The following GFRA2 variants were observed in gnomAD, a reference collection of about 807,000 sequenced individuals.
The protein encoded by GFRA2 is GDNF family receptor alpha-2.
A neutral mutation model predicts 48.3 loss-of-function variants in GFRA2; 17 were observed. That is an observed-to-expected ratio of 0.35 (90% CI 0.24 to 0.53). GFRA2 has a LOEUF of 0.53. GFRA2 is among the 20% of genes least tolerant of loss of function. The probability of loss-of-function intolerance (pLI) is 0.93; values close to 1 mark genes in which losing one functional copy is unlikely to be tolerated. For missense variants in GFRA2, 660 were observed against 637.3 expected (o/e 1.04, Z -0.38); for synonymous variants, 305 against 257.2 (o/e 1.19, Z -1.78).
intron 4 of GFRA2, among the ~76,000 whole-genome samples, chr8:21,748,007 C>T (rs79300364): frequency 0.054 from 8,181 of 152,130 alleles, 737 homozygotes; most frequent in African/African-American, 0.19. Context: ...CTCCACCGTT[C>T]GCTCCAAGCC....
At chr8:21,806,188 G>A (rs900814529) in intron 1 of GFRA2, among the ~76,000 whole-genome samples, 14 of 152,072 alleles carry the variant, frequency 9.2e-5, no homozygotes, top group East Asian at 1.9e-4. Context: ...TCAGAACTAC[G>A]GAGGGTCTCA....
At chr8:21,758,214 C>T (rs1028693463) in intron 3 of GFRA2, among the ~76,000 whole-genome samples, 3 of 152,078 alleles carry the variant, frequency 2.0e-5, no homozygotes, top group Non-Finnish European at 4.4e-5. Flanking sequence ...CCCACACACA[C>T]ACACACACAC....
At chr8:21,787,226 G>A (rs1251895868) in intron 1 of GFRA2, among the ~76,000 whole-genome samples, 1 of 149,246 alleles carries the variant, frequency 6.7e-6, no homozygotes, top group Non-Finnish European at 1.5e-5. Flanking sequence ...GGGGCTCAGT[G>A]GCGCCAGGCA....
At chr8:21,695,218 C>A (rs1455585283) in intron 7 of GFRA2, among the ~76,000 whole-genome samples, 1 of 152,168 alleles carries the variant, frequency 6.6e-6, no homozygotes, top group East Asian at 1.9e-4. Context: ...GGTGTGGCCA[C>A]CTGGATGCAG....
At position 21,704,982 on chromosome 8, in the gene GFRA2, T is replaced by C; in HGVS notation, c.1045+3A>G. 6.2e-7 allele frequency: 1 copy of C among 1,607,864 alleles called. No individual in the cohort carries two copies. Among genetic ancestry groups the C allele is most frequent in the Non-Finnish European group, 8.5e-7 (1 of 1,177,546 alleles). ...GGGGTTGGGGAGAACATCCAGAACT[T>C]ACGGAGGCATGGGTTCTCGGTGAAG... On this transcript the variant is annotated splice_donor_region_variant and intron_variant, in intron 6 of 8. Coordinates refer to ENST00000524240, the MANE Select transcript of GFRA2 (RefSeq NM_001495.5).
intron 7 of GFRA2, among the ~76,000 whole-genome samples, chr8:21,697,540 G>A (rs763684296): frequency 1.2e-4 from 18 of 152,086 alleles, no homozygotes; most frequent in Non-Finnish European, 2.6e-4. Context: ...GGCGGGAGGG[G>A]CAGAGAGAAA....
chr8:21,788,525 G>A lies in GFRA2; in HGVS notation c.-366C>T. 8 of 1,039,608 alleles carry A rather than the reference G, an allele frequency of 7.7e-6. No individual in the cohort carries two copies. Among genetic ancestry groups the A allele is most frequent in the Non-Finnish European group, 8.1e-6 (7 of 866,264 alleles). The allele number at this position is 1,039,608 out of a possible 1,614,324, so 64.4% of individuals were successfully genotyped here. On this transcript the variant is annotated 5_prime_UTR_variant, in exon 1 of 9. Transcript: ENST00000524240. ...GGTCCAATTCCCCTGCGCTTCCCAG[G>A]AGGGGCCTGGGGAGGTGGGGAGAGA...
intron 4 of GFRA2, among the ~76,000 whole-genome samples, chr8:21,737,857 G>C (rs994144234): frequency 1.3e-5 from 2 of 152,162 alleles, no homozygotes; most frequent in Non-Finnish European, 2.9e-5. Flanking sequence ...ATAGTTAACA[G>C]TGGTTCACAC....
chr8:21,733,517 G>A (rs1804299688), intron 4 of GFRA2, among the ~76,000 whole-genome samples: 1 of 152,168 alleles, frequency 6.6e-6, no homozygotes, highest in Non-Finnish European at 1.5e-5. Flanking sequence ...CATTCTTTGA[G>A]GAGAGAGAGG....
intron 6 of GFRA2, among the ~76,000 whole-genome samples, chr8:21,703,414 C>A (rs1802582580): frequency 6.6e-6 from 1 of 151,990 alleles, no homozygotes; most frequent in South Asian, 2.1e-4. Flanking sequence ...AGGTCCCCAC[C>A]CTGGCATGCA....
intron 4 of GFRA2, among the ~76,000 whole-genome samples, chr8:21,722,528 C>A (rs1190890896): frequency 2.0e-5 from 3 of 152,164 alleles, no homozygotes; most frequent in Admixed American, 6.5e-5. Flanking sequence ...TCTAACCTGT[C>A]AGCTTAAGGT....
intron 2 of GFRA2, chr8:21,797,817 C>T (rs1299055512): frequency 1.3e-5 from 2 of 152,192 alleles, no homozygotes; most frequent in Non-Finnish European, 2.9e-5. Flanking sequence ...CCCATGTCCA[C>T]AAGGATCCAG....
intron 6 of GFRA2, among the ~76,000 whole-genome samples, chr8:21,703,907 A>G (rs1016007442): frequency 1.6e-4 from 25 of 152,196 alleles, no homozygotes; most frequent in Admixed American, 3.9e-4. Flanking sequence ...GCCTCACAAC[A>G]CAGGCAGATT....
intron 4 of GFRA2, chr8:21,706,303 CCTCAAGG>C: frequency 1.7e-6 from 1 of 603,806 alleles, no homozygotes; most frequent in Admixed American, 2.1e-5. Context: ...AAAAAGGACC[CCTCAAGG>C]CACAGAAACA....
At chr8:21,709,254 C>A (rs1802897503) in intron 4 of GFRA2, among the ~76,000 whole-genome samples, 1 of 152,366 alleles carries the variant, frequency 6.6e-6, no homozygotes, top group African/African-American at 2.4e-5. Flanking sequence ...CCCCATGAAG[C>A]CCTTCCCACC....
intron 1 of GFRA2, among the ~76,000 whole-genome samples, chr8:21,786,844 C>A (rs1807295688): frequency 6.6e-6 from 1 of 152,196 alleles, no homozygotes; most frequent in African/African-American, 2.4e-5. Flanking sequence ...TACCTCCCCA[C>A]TCGTGGCCTT....
At chr8:21,755,755 T>C (rs935412678) in intron 3 of GFRA2, among the ~76,000 whole-genome samples, 5 of 152,070 alleles carry the variant, frequency 3.3e-5, no homozygotes, top group African/African-American at 7.3e-5. Flanking sequence ...GCAGGTGCAA[T>C]CGCTGGGAGG....
At chr8:21,759,485 A>AGGAAG (rs1339814705) in intron 3 of GFRA2, among the ~76,000 whole-genome samples, 1 of 71,776 alleles carries the variant, frequency 1.4e-5, no homozygotes, top group Non-Finnish European at 2.6e-5. Flanking sequence ...AAAGAAGGAA[A>AGGAAG]GAAGGAAGGA....
intron 4 of GFRA2, among the ~76,000 whole-genome samples, chr8:21,733,101 G>C (rs1197268808): frequency 6.6e-6 from 1 of 152,172 alleles, no homozygotes; most frequent in Non-Finnish European, 1.5e-5. Context: ...CTGCCAGGCT[G>C]TTTGATTGCA....
Sources: allele counts gnomAD v4.1 joint callset (sites outside exome capture counted in the v4.1 genomes callset), GRCh38; gene constraint gnomAD v4.1.1; transcripts MANE v1.5; gene names NCBI Gene and HGNC (gene_info 2026-07-23, HGNC 2026-07-21).